Variants in SMAD5 observed in about 807,000 individuals in gnomAD.
The protein encoded by SMAD5 is MAD, mothers against decapentaplegic homolog 5.
Under a neutral mutation model 43.1 loss-of-function variants are expected in SMAD5, and 9 were observed. The ratio of observed to expected loss-of-function variants is 0.21; its 90% CI spans 0.13 to 0.36. The LOEUF (loss-of-function observed/expected upper bound fraction) is 0.36. Among genes scored for constraint, SMAD5 ranks in the 10% least tolerant of loss-of-function variants. SMAD5 has a pLI of 1.00. For synonymous variants in SMAD5, 190 were observed against 192.4 expected (o/e 0.99, Z 0.10); for missense variants, 348 against 574.0 (o/e 0.61, Z 4.02).
At position 136,174,423 on chromosome 5, in the gene SMAD5, A is replaced by G. The variant is rs1314594798; in HGVS notation, c.1045A>G (p.Ser349Gly). ...VGGEVYAECLSDSSIFVQSRN... is the reference protein window; with the variant it reads ...VGGEVYAECLGDSSIFVQSRN... ...TGGAGAGGTGTATGCGGAATGCCTC[A>G]GTGACAGCAGCATATTTGTACAGAG... Residue 349 changes from serine (S) to glycine (G), a missense_variant, in exon 7 of 8, where the codon AGT becomes GGT. Ser to Gly is a moderately conservative substitution (Grantham distance 56). Transcript: ENST00000545279. 1.2e-6 allele frequency: 2 copies of G among 1,613,488 alleles called. No individual in the cohort carries two copies. The highest frequency in any genetic ancestry group is 1.3e-5 in the African/African-American group (1 of 75,038).
In SMAD5 at chr5:136,177,566, T is replaced by C. The variant is rs753669091; in HGVS notation, c.*86T>C. The C allele has an allele frequency of 1.0e-4, 99 of 993,616 alleles. No individual in the cohort carries two copies. The highest frequency in any genetic ancestry group is 1.3e-4 in the Non-Finnish European group (85 of 678,568). 61.5% of individuals were successfully genotyped at this position (993,616 alleles called of 1,614,324 possible). A position where few individuals can be genotyped will look rare whatever the true frequency, so the allele number is the denominator to read the frequency against. On this transcript the variant is annotated 3_prime_UTR_variant, in exon 8 of 8. Coordinates refer to ENST00000545279, the MANE Select transcript of SMAD5 (RefSeq NM_005903.7). ...TGAGTACAGATACTGTGAGCTTACA[T>C]TGAAAACAGATATTACAGCTTATTT...
intron 5 of SMAD5, among the ~76,000 whole-genome samples, chr5:136,168,444 A>T (rs1052789495): frequency 6.6e-6 from 1 of 152,010 alleles, no homozygotes; most frequent in Non-Finnish European, 1.5e-5. Flanking sequence ...TTTTTAGTTC[A>T]GTTTTTGGTT....
chr5:136,142,424 T>C (rs893331963), intron 1 of SMAD5, among the ~76,000 whole-genome samples: 1 of 152,156 alleles, frequency 6.6e-6, no homozygotes, highest in African/African-American at 2.4e-5. Context: ...TACCACTGCA[T>C]CTCTTTTGGT....
At chr5:136,147,989 A>G (rs1048764889) in intron 2 of SMAD5, 83 bp downstream of exon 2, 14 of 151,872 alleles carry the variant, frequency 9.2e-5, no homozygotes, top group Admixed American at 9.2e-4. Flanking sequence ...CCTTCTATAG[A>G]GAATTTCATT....
intron 3 of SMAD5, among the ~76,000 whole-genome samples, chr5:136,160,181 A>G (rs1366413646): frequency 6.6e-6 from 1 of 152,214 alleles, no homozygotes; most frequent in East Asian, 1.9e-4. Context: ...TAGAAGACTG[A>G]TTTTGATTGG....
intron 1 of SMAD5, among the ~76,000 whole-genome samples, chr5:136,136,099 A>G (rs1397339820): frequency 6.6e-6 from 1 of 152,018 alleles, no homozygotes; most frequent in Non-Finnish European, 1.5e-5. Context: ...TCTAGAGAAA[A>G]GAAAAGGCCC....
chr5:136,161,374 A>G lies in SMAD5; in HGVS notation c.655+267A>G, dbSNP rs35919137. Among the ~76,000 whole-genome samples the G allele has an allele frequency of 6.9e-4, 105 of 152,350 alleles. No homozygotes were observed. The Middle Eastern group carries it at 0.01, about 15-fold the overall frequency. On this transcript the variant is annotated intron_variant, in intron 4 of 7. Transcript: ENST00000545279. The stretch of plus-strand genomic sequence containing the variant: ...CTCAGTACCATTTATTGTCTTTTAT[A>G]TAACTGATACTGTGATGAAAGCTAT...
At chr5:136,177,094 G>A (rs566934980) in intron 7 of SMAD5, among the ~76,000 whole-genome samples, 1 of 152,042 alleles carries the variant, frequency 6.6e-6, no homozygotes, top group African/African-American at 2.4e-5. Context: ...ACTATAACTG[G>A]CTCTAAGGGT....
Position 136,160,986 on chromosome 5 carries a change from C to T in SMAD5, c.534C>T (p.His178=), listed in dbSNP as rs766690391. The change falls in exon 4 of 8, where the codon CAC becomes CAT. Residue 178 remains histidine, a synonymous_variant. Transcript: ENST00000545279. ...PQNATFPDSF[H]QPNNTPFPLS... Reference sequence around the variant, plus strand: ...ATGCCACGTTTCCAGATTCTTTCCACCAGCCCAACAACACTCCTTTTCCCT... The same window carrying T: ...ATGCCACGTTTCCAGATTCTTTCCATCAGCCCAACAACACTCCTTTTCCCT... 21 of 1,613,882 alleles carry T rather than the reference C, an allele frequency of 1.3e-5. No individual in the cohort carries two copies. The South Asian group carries it at 2.2e-4, about 17-fold the overall frequency.
At chr5:136,142,062 C>T (rs896673067) in intron 1 of SMAD5, among the ~76,000 whole-genome samples, 2 of 152,224 alleles carry the variant, frequency 1.3e-5, no homozygotes, top group African/African-American at 2.4e-5. Flanking sequence ...GCTAATATCA[C>T]AAACCCTTTC....
chr5:136,138,064 A>G (rs996082195), intron 1 of SMAD5, among the ~76,000 whole-genome samples: 1 of 152,174 alleles, frequency 6.6e-6, no homozygotes, highest in Non-Finnish European at 1.5e-5. Context: ...GCATACTCAA[A>G]CACATCTGGT....
chr5:136,163,362 C>T lies in SMAD5; in HGVS notation c.746C>T (p.Pro249Leu). The change falls in exon 5 of 8, where the codon CCT becomes CTT. Residue 249 changes from proline to leucine, a missense_variant. Physicochemically the swap from Pro to Leu is moderately conservative, Grantham distance 98. This residue lies in a region of SMAD5 where 185 missense variants were observed against 207.0 expected (regional missense o/e 0.89). Transcript: ENST00000545279. ...QPMDTSNNMI[P>L]QIMPSISSRD... ...ATGGATACAAGCAATAATATGATTCCTCAGATTATGCCCAGTATATCCAGC... is the reference window on the plus strand; with the variant it reads ...ATGGATACAAGCAATAATATGATTCTTCAGATTATGCCCAGTATATCCAGC... 1 of 1,608,140 alleles carries T rather than the reference C, an allele frequency of 6.2e-7. No individual in the cohort carries two copies.
chr5:136,145,951 G>C (rs967141277), intron 1 of SMAD5, among the ~76,000 whole-genome samples: 22 of 151,668 alleles, frequency 1.5e-4, no homozygotes, highest in African/African-American at 5.3e-4. Context: ...CTCCCCAAAG[G>C]GTCATATCCT....
intron 5 of SMAD5, among the ~76,000 whole-genome samples, chr5:136,163,797 T>C (rs1200542864): frequency 6.6e-6 from 1 of 152,244 alleles, no homozygotes; most frequent in Non-Finnish European, 1.5e-5. Context: ...TTTGTTCCTT[T>C]TTATTGCTTA....
intron 2 of SMAD5, among the ~76,000 whole-genome samples, chr5:136,150,283 T>C (rs969427319): frequency 2.6e-5 from 4 of 152,056 alleles, no homozygotes; most frequent in Middle Eastern, 3.4e-3. Context: ...CAAAGCTGCC[T>C]TCTGAATGTT....
intron 7 of SMAD5, 122 bp downstream of exon 7, chr5:136,174,754 T>C (rs934427831): frequency 3.1e-6 from 2 of 651,948 alleles, no homozygotes; most frequent in Non-Finnish European, 2.6e-6. Context: ...ATTTAACAGG[T>C]TTTTAAATAA....
intron 1 of SMAD5, among the ~76,000 whole-genome samples, chr5:136,135,761 C>T (rs1752852091): frequency 6.6e-6 from 1 of 152,188 alleles, no homozygotes; most frequent in African/African-American, 2.4e-5. Flanking sequence ...TCAGAGCTGA[C>T]TTGAGTACGC....
intron 1 of SMAD5, among the ~76,000 whole-genome samples, chr5:136,145,655 C>T (rs2149763194): frequency 6.6e-6 from 1 of 152,094 alleles, no homozygotes; most frequent in African/African-American, 2.4e-5. Flanking sequence ...CAACAATGTT[C>T]ATGATTATTA....
At chr5:136,165,888 G>GC (rs1414585582) in intron 5 of SMAD5, among the ~76,000 whole-genome samples, 1 of 151,572 alleles carries the variant, frequency 6.6e-6, no homozygotes, top group Non-Finnish European at 1.5e-5. Context: ...GTGGACATGG[G>GC]CGTACACATA....
Sources: allele counts gnomAD v4.1 joint callset (sites outside exome capture counted in the v4.1 genomes callset), GRCh38; gene constraint gnomAD v4.1.1; regional missense constraint gnomAD v4.1.1; transcripts MANE v1.5; gene names NCBI Gene and HGNC (gene_info 2026-07-23, HGNC 2026-07-21).